Variants in EFHC2 observed in about 807,000 individuals in gnomAD.
EFHC2 encodes the protein EF-hand domain-containing family member C2.
Under a neutral mutation model 52.7 loss-of-function variants are expected in EFHC2, and 18 were observed. The observed-to-expected ratio is 0.34, with a 90% CI of 0.24 to 0.51. The LOEUF (loss-of-function observed/expected upper bound fraction) is 0.51, where lower values mean the gene tolerates loss of function less well. EFHC2 is among the 20% of genes least tolerant of loss of function. EFHC2 has a pLI of 0.97. For missense variants in EFHC2, 513 were observed against 562.5 expected (o/e 0.91, Z 0.89); for synonymous variants, 203 against 204.1 (o/e 0.99, Z 0.04).
At chrX:44,309,376 G>T (rs1315907133) in intron 2 of EFHC2, 1 of 867,345 alleles carries the variant, frequency 1.2e-6, no homozygotes, top group East Asian at 3.1e-5. Flanking sequence ...CCCATCCTCT[G>T]ATACTCGCCT....
At chrX:44,314,896 GA>G (rs953137940) in intron 1 of EFHC2, among the ~76,000 whole-genome samples, 4 of 110,992 alleles carry the variant, frequency 3.6e-5, no homozygotes, top group African/African-American at 6.6e-5. Context: ...CTGCCCTGAA[GA>G]AAAAAACCCA....
At chrX:44,157,810 C>T (rs751013620) in intron 14 of EFHC2, among the ~76,000 whole-genome samples, 4 of 106,828 alleles carry the variant, frequency 3.7e-5, no homozygotes, top group African/African-American at 1.4e-4. Flanking sequence ...AATCCATCTC[C>T]AGGATCCCTT....
chrX:44,248,796 T>C lies in EFHC2; in HGVS notation c.972+7A>G, dbSNP rs749648415. 1 of 1,189,869 alleles carries C rather than the reference T, an allele frequency of 8.4e-7. No individual in the cohort carries two copies. The highest frequency in any genetic ancestry group is 2.2e-5 in the Admixed American group (1 of 45,732). On this transcript the variant is annotated splice_region_variant and intron_variant, in intron 6 of 14. Transcript: ENST00000420999. Reference sequence around the variant, plus strand: ...AGAAACAGGTAATAAAATATGAGGTTCCTTCCCTTATATCTATCGAACAGG... The same window carrying C: ...AGAAACAGGTAATAAAATATGAGGTCCCTTCCCTTATATCTATCGAACAGG...
chrX:44,211,335 C>T (rs1217425055), intron 11 of EFHC2, among the ~76,000 whole-genome samples: 1 of 110,491 alleles, frequency 9.1e-6, no homozygotes, highest in Non-Finnish European at 1.9e-5. Flanking sequence ...CAAGACCAGC[C>T]TGACCAATAT....
At chrX:44,176,776 T>C (rs1252050460) in intron 12 of EFHC2, among the ~76,000 whole-genome samples, 1 of 112,293 alleles carries the variant, frequency 8.9e-6, no homozygotes, top group African/African-American at 3.2e-5. Context: ...AACACAAGTA[T>C]GATATGACTT....
At chrX:44,272,164 A>C (rs1394957828) in intron 3 of EFHC2, among the ~76,000 whole-genome samples, 1 of 112,194 alleles carries the variant, frequency 8.9e-6, no homozygotes, top group Admixed American at 9.5e-5. Flanking sequence ...GTATGGACAA[A>C]GATGACTGGC....
chrX:44,292,170 T>C (rs1306673450), intron 2 of EFHC2, among the ~76,000 whole-genome samples: 1 of 111,247 alleles, frequency 9.0e-6, no homozygotes, highest in Non-Finnish European at 1.9e-5. Context: ...ACATATATGA[T>C]TGTTCCTTTA....
At chrX:44,245,941 G>T (rs1341861917) in intron 7 of EFHC2, among the ~76,000 whole-genome samples, 2 of 111,447 alleles carry the variant, frequency 1.8e-5, no homozygotes, top group African/African-American at 6.5e-5. Context: ...CCCTAGCTGT[G>T]TTGCTGCTGC....
At chrX:44,171,586 G>T (rs993806179) in intron 13 of EFHC2, among the ~76,000 whole-genome samples, 1 of 111,388 alleles carries the variant, frequency 9.0e-6, no homozygotes, top group Non-Finnish European at 1.9e-5. Context: ...GGGCCTCTGC[G>T]TCAAGTTGCC....
intron 11 of EFHC2, among the ~76,000 whole-genome samples, chrX:44,216,804 C>T (rs1257214429): frequency 2.7e-5 from 3 of 111,610 alleles, no homozygotes; most frequent in African/African-American, 9.8e-5. Context: ...GGACATCAGT[C>T]GGGGCAAAGA....
chrX:44,246,757 A>G (rs994963422), intron 7 of EFHC2, among the ~76,000 whole-genome samples: 6 of 111,716 alleles, frequency 5.4e-5, no homozygotes, highest in Non-Finnish European at 1.1e-4. Context: ...TCCCAAATGC[A>G]ACTTTCATAT....
At chrX:44,172,018 T>G (rs935261531) in intron 13 of EFHC2, among the ~76,000 whole-genome samples, 1 of 112,058 alleles carries the variant, frequency 8.9e-6, no homozygotes, top group East Asian at 2.8e-4. Flanking sequence ...ACAGGAGCAC[T>G]AACCGTGCCT....
At chrX:44,230,082 T>C (rs1463074792) in intron 10 of EFHC2, among the ~76,000 whole-genome samples, 2 of 111,208 alleles carry the variant, frequency 1.8e-5, no homozygotes, top group Non-Finnish European at 3.8e-5. Flanking sequence ...CTCTAACCCT[T>C]GGATAGTGGC....
At chrX:44,153,225 A>G (rs1293173528) in intron 14 of EFHC2, among the ~76,000 whole-genome samples, 5 of 112,278 alleles carry the variant, frequency 4.5e-5, no homozygotes, top group Non-Finnish European at 9.4e-5. Flanking sequence ...CAACTTGGGC[A>G]CAAGGAAACT....
intron 2 of EFHC2, among the ~76,000 whole-genome samples, chrX:44,298,733 C>G (rs2037845916): frequency 1.9e-5 from 2 of 107,878 alleles, no homozygotes; most frequent in African/African-American, 6.8e-5. Flanking sequence ...TGCTGGCGGG[C>G]GTTTGTAATC....
chrX:44,198,656 G>T (rs767229976), intron 11 of EFHC2, among the ~76,000 whole-genome samples: 22 of 111,387 alleles, frequency 2.0e-4, no homozygotes, highest in Non-Finnish European at 2.3e-4. Flanking sequence ...CAGAGAGGAA[G>T]ATGAACAAGC....
chrX:44,299,542 T>C (rs899455341), intron 2 of EFHC2, among the ~76,000 whole-genome samples: 2 of 111,584 alleles, frequency 1.8e-5, no homozygotes, highest in African/African-American at 6.5e-5. Context: ...TCTCCCCGGC[T>C]TTGTGTTGGC....
intron 1 of EFHC2, among the ~76,000 whole-genome samples, chrX:44,333,922 G>A (rs1168471079): frequency 1.8e-5 from 2 of 111,341 alleles, no homozygotes; most frequent in African/African-American, 3.3e-5. Context: ...CTGGAACTGA[G>A]GCAACTATTT....
chrX:44,209,019 CTGTGTGTGTG>C (rs753101565), intron 11 of EFHC2, among the ~76,000 whole-genome samples: 3,316 of 69,811 alleles, frequency 0.047, 116 homozygotes, highest in Admixed American at 0.059. Context: ...GATTGGCAAT[CTGTGTGTGTG>C]TGTGTGTGTG....
Sources: gnomAD v4.1 joint callset for allele counts (sites outside exome capture counted in the v4.1 genomes callset) on GRCh38, gnomAD v4.1.1 for gene constraint, MANE v1.5 for transcripts, NCBI Gene and HGNC (gene_info 2026-07-23, HGNC 2026-07-21) for gene names.